NRCAM: variants seen among roughly 807,000 people sequenced by gnomAD.
The protein encoded by NRCAM is neuronal cell adhesion molecule.
NRCAM carries 83 observed loss-of-function variants against 156.5 expected under a neutral mutation model. The ratio of observed to expected loss-of-function variants is 0.53; its 90% CI spans 0.44 to 0.64. NRCAM has a LOEUF of 0.64. Ranked by LOEUF, NRCAM falls within the 30% of genes least tolerant of loss-of-function variation. NRCAM has a pLI of 0.00. For synonymous variants in NRCAM, 538 were observed against 563.9 expected (o/e 0.95, Z 0.65); for missense variants, 1,417 against 1,597.3 (o/e 0.89, Z 1.92).
At chr7:108,222,680 C>T (rs2092654857) in intron 11 of NRCAM, among the ~76,000 whole-genome samples, 1 of 152,102 alleles carries the variant, frequency 6.6e-6, no homozygotes, top group South Asian at 2.1e-4. Context: ...CAGCGGAGGC[C>T]TCCACGTGCC....
intron 3 of NRCAM, among the ~76,000 whole-genome samples, chr7:108,264,718 A>G (rs1488353539): frequency 6.6e-6 from 1 of 152,204 alleles, no homozygotes; most frequent in Non-Finnish European, 1.5e-5. Flanking sequence ...TTCCTGTAAC[A>G]AACACCTAAT....
intron 13 of NRCAM, among the ~76,000 whole-genome samples, chr7:108,201,847 C>T (rs996279433): frequency 6.6e-6 from 1 of 152,102 alleles, no homozygotes; most frequent in African/African-American, 2.4e-5. Flanking sequence ...TATTTAGGAA[C>T]AAAATAAACC....
intron 12 of NRCAM, among the ~76,000 whole-genome samples, chr7:108,208,936 T>G (rs1563452816): frequency 6.6e-6 from 1 of 152,220 alleles, no homozygotes; most frequent in Non-Finnish European, 1.5e-5. Flanking sequence ...TTCCATACTC[T>G]GTTCATTAGT....
intron 3 of NRCAM, among the ~76,000 whole-genome samples, chr7:108,310,454 G>C (rs565164754): frequency 1.8e-4 from 27 of 152,306 alleles, no homozygotes; most frequent in Admixed American, 1.0e-3. Flanking sequence ...CACTGGATAA[G>C]GGCAGACAGA....
rs1470826836 is a variant in NRCAM, at chr7:108,148,541, G to A, written c.*1369C>T. On this transcript the variant is annotated 3_prime_UTR_variant, in exon 33 of 33. Coordinates refer to ENST00000379028, the MANE Select transcript of NRCAM (RefSeq NM_001037132.4). ...TTTGATAGATATTGTTTATGAATACGATAGAATATATATTTACTTTTTAAA... is the reference window on the plus strand; with the variant it reads ...TTTGATAGATATTGTTTATGAATACAATAGAATATATATTTACTTTTTAAA... 1 of 152,610 alleles carries A rather than the reference G, an allele frequency of 6.6e-6. No individual in the cohort carries two copies. Among genetic ancestry groups the A allele is most frequent in the Non-Finnish European group, 1.5e-5 (1 of 68,028 alleles). The allele number at this position is 152,610 out of a possible 1,614,324, so 9.5% of individuals were successfully genotyped here.
chr7:108,199,843 C>T (rs540451374), intron 13 of NRCAM, among the ~76,000 whole-genome samples: 8 of 152,126 alleles, frequency 5.3e-5, no homozygotes, highest in South Asian at 2.1e-4. Context: ...GACATCATGG[C>T]GGGGTGGGGT....
At chr7:108,373,176 G>A (rs1274394619) in intron 2 of NRCAM, among the ~76,000 whole-genome samples, 5 of 152,222 alleles carry the variant, frequency 3.3e-5, no homozygotes, top group East Asian at 1.9e-4. Flanking sequence ...GTACAATGGC[G>A]ATTGCCAAGG....
intron 1 of NRCAM, among the ~76,000 whole-genome samples, chr7:108,410,731 G>A (rs1794346104): frequency 6.6e-6 from 1 of 152,200 alleles, no homozygotes; most frequent in African/African-American, 2.4e-5. Flanking sequence ...AAGTGTGGAA[G>A]GGCAGCCTGT....
chr7:108,356,089 C>T (rs763118436), intron 2 of NRCAM, among the ~76,000 whole-genome samples: 8 of 152,098 alleles, frequency 5.3e-5, no homozygotes, highest in African/African-American at 1.4e-4. Context: ...GCTGGGACTA[C>T]AGGCATGTAC....
intron 22 of NRCAM, among the ~76,000 whole-genome samples, chr7:108,183,794 CA>C (rs1563309591): frequency 6.6e-6 from 1 of 152,100 alleles, no homozygotes; most frequent in South Asian, 2.1e-4. Context: ...CTCGGCCTCC[CA>C]AAGTGCTGGG....
At chr7:108,416,721 A>G (rs1802076141) in intron 1 of NRCAM, among the ~76,000 whole-genome samples, 1 of 152,230 alleles carries the variant, frequency 6.6e-6, no homozygotes, top group Non-Finnish European at 1.5e-5. Context: ...AACAAGGCAG[A>G]ATGAAACCAG....
chr7:108,349,857 A>T (rs186436380), intron 2 of NRCAM, among the ~76,000 whole-genome samples: 1 of 152,332 alleles, frequency 6.6e-6, no homozygotes, highest in Admixed American at 6.5e-5. Flanking sequence ...CAGATTATAC[A>T]TACTGTTCAA....
At chr7:108,196,524 T>C (rs1035255641) in intron 14 of NRCAM, among the ~76,000 whole-genome samples, 5 of 152,188 alleles carry the variant, frequency 3.3e-5, no homozygotes, top group Non-Finnish European at 5.9e-5. Context: ...GGGCAAGGCA[T>C]TGGACTAGAC....
chr7:108,353,147 G>T (rs1318921570), intron 2 of NRCAM, among the ~76,000 whole-genome samples: 1 of 151,134 alleles, frequency 6.6e-6, no homozygotes, highest in Non-Finnish European at 1.5e-5. Context: ...CTTGTTTCTT[G>T]TCTTGAACAT....
At chr7:108,178,267 G>A (rs759944536) in intron 25 of NRCAM, 155 bp from the exon 26 acceptor site, 18 of 624,108 alleles carry the variant, frequency 2.9e-5, no homozygotes, top group Non-Finnish European at 4.3e-5. Context: ...CCTGTGACAG[G>A]CACCCATTTA....
At chr7:108,376,014 T>G (rs967557481) in intron 2 of NRCAM, among the ~76,000 whole-genome samples, 3 of 152,224 alleles carry the variant, frequency 2.0e-5, no homozygotes, top group African/African-American at 7.2e-5. Flanking sequence ...CAAACTCCAG[T>G]GATCCACAGT....
At chr7:108,250,161 C>A (rs1037311323) in intron 3 of NRCAM, among the ~76,000 whole-genome samples, 4 of 152,120 alleles carry the variant, frequency 2.6e-5, no homozygotes, top group African/African-American at 9.7e-5. Context: ...GCTCATGCCT[C>A]TAATCCCAGC....
chr7:108,382,187 G>A (rs139672602), intron 2 of NRCAM, among the ~76,000 whole-genome samples: 12 of 152,022 alleles, frequency 7.9e-5, no homozygotes, highest in East Asian at 3.9e-4. Flanking sequence ...TTTGCTTTCC[G>A]GAGGAGGGAG....
In NRCAM at chr7:108,231,169, AT is replaced by A. The variant is rs1390314089; in HGVS notation, c.428-17del. The A allele has an allele frequency of 6.4e-7, 1 of 1,557,984 alleles. No homozygotes were observed. Among genetic ancestry groups the A allele is most frequent in the Admixed American group, 2.2e-5 (1 of 46,082 alleles). On this transcript the variant is annotated splice_polypyrimidine_tract_variant and intron_variant, in intron 7 of 32. Coordinates refer to ENST00000379028, the MANE Select transcript of NRCAM (RefSeq NM_001037132.4). ...AATGGTGATCCTATTAAATAAAAAAATAACTTCTCAGTTATTTCTGCATTGA... is the reference window on the plus strand; with the variant it reads ...AATGGTGATCCTATTAAATAAAAAAAAACTTCTCAGTTATTTCTGCATTGA...
Sources: gnomAD v4.1 joint callset for allele counts (sites outside exome capture counted in the v4.1 genomes callset) on GRCh38, gnomAD v4.1.1 for gene constraint, MANE v1.5 for transcripts, NCBI Gene and HGNC (gene_info 2026-07-23, HGNC 2026-07-21) for gene names.